COL13A1: variants seen among roughly 807,000 people sequenced by gnomAD.
COL13A1 encodes collagen alpha-1(XIII) chain.
COL13A1 carries 89 observed loss-of-function variants against 130.9 expected under a neutral mutation model. The ratio of observed to expected loss-of-function variants is 0.68; its 90% confidence interval spans 0.57 to 0.81. The LOEUF (loss-of-function observed/expected upper bound fraction) is 0.81. Ranked by LOEUF, COL13A1 falls within the 30% of genes least tolerant of loss-of-function variation. The pLI is 0.00. For synonymous variants in COL13A1, 402 were observed against 341.6 expected (o/e 1.18, Z -1.95); for missense variants, 879 against 934.6 (o/e 0.94, Z 0.78).
chr10:69,813,982 C>T (rs530495425), intron 1 of COL13A1, among the ~76,000 whole-genome samples: 8 of 152,216 alleles, frequency 5.3e-5, no homozygotes, highest in Middle Eastern at 3.2e-3. Context: ...AGAGGGCTGA[C>T]CTAAAAGTAA....
At chr10:69,946,684 A>G (rs1355524446) in intron 37 of COL13A1, among the ~76,000 whole-genome samples, 1 of 152,226 alleles carries the variant, frequency 6.6e-6, no homozygotes, top group Non-Finnish European at 1.5e-5. Context: ...CCACAAGCGC[A>G]TCCTCAGAAC....
intron 2 of COL13A1, among the ~76,000 whole-genome samples, chr10:69,827,066 G>A (rs1175860317): frequency 6.6e-6 from 1 of 152,214 alleles, no homozygotes; most frequent in Non-Finnish European, 1.5e-5. Context: ...TACGATGGTA[G>A]GTGGGAAAAC....
rs1202606558 is a variant in COL13A1, at chr10:69,863,581, A to T, written c.365-4217A>T. On this transcript the variant is annotated intron_variant, in intron 2 of 40. Coordinates refer to ENST00000645393, the MANE Select transcript of COL13A1 (RefSeq NM_001368882.1). Reference sequence around the variant, plus strand: ...CTCTTGATGCCCCCTGTCCAGGACCAGGACTGGATCCAGCGACTGGGTGGC... The same window carrying T: ...CTCTTGATGCCCCCTGTCCAGGACCTGGACTGGATCCAGCGACTGGGTGGC... 1.3e-5 allele frequency among the ~76,000 whole-genome samples: 2 copies of T among 152,138 alleles called. 1 individual carries two copies. The highest frequency in any genetic ancestry group is 2.9e-5 in the Non-Finnish European group (2 of 68,020).
At chr10:69,855,776 G>GT (rs1321031342) in intron 2 of COL13A1, among the ~76,000 whole-genome samples, 2 of 20,150 alleles carry the variant, frequency 9.9e-5, no homozygotes, top group African/African-American at 2.2e-4. Flanking sequence ...CCCAGTAGAA[G>GT]GGGGGAGGGA....
chr10:69,904,978 G>A lies in COL13A1; in HGVS notation c.885+19G>A, dbSNP rs1385295479. The A allele has an allele frequency of 6.4e-7, 1 of 1,561,682 alleles. No homozygotes were observed. Among genetic ancestry groups the A allele is most frequent in the South Asian group, 1.2e-5 (1 of 84,942 alleles). On this transcript the variant is annotated intron_variant, in intron 16 of 40. Transcript: ENST00000645393. ...ACCAAAGGTGAGTGTCCTTCTGGGT[G>A]ATGTGTTGAACAGGTGGGAGAATTC... is the stretch of plus-strand genomic sequence containing the variant.
Position 69,880,396 on chromosome 10 carries a change from C to T in COL13A1, c.463-107C>T, listed in dbSNP as rs1476487850. The stretch of plus-strand genomic sequence containing the variant: ...CCTGTCCCATGGGGCCGGCCTCCTG[C>T]TCCTGGCCCCCTGCCAGCTCCTTCC... On this transcript the variant is annotated intron_variant, in intron 6 of 40. Coordinates refer to ENST00000645393, the MANE Select transcript of COL13A1 (RefSeq NM_001368882.1). 109 of 741,544 alleles carry T rather than the reference C, an allele frequency of 1.5e-4. 1 individual carries two copies. Among genetic ancestry groups the T allele is most frequent in the Non-Finnish European group, 2.5e-5 (10 of 406,308 alleles). The allele number at this position is 741,544 out of a possible 1,614,324, so 45.9% of individuals were successfully genotyped here. A position where few individuals can be genotyped will look rare whatever the true frequency, so the allele number is the denominator to read the frequency against.
intron 2 of COL13A1, chr10:69,824,184 A>T (rs1846905778): frequency 2.1e-6 from 1 of 471,580 alleles, no homozygotes; most frequent in South Asian, 1.6e-5. Flanking sequence ...CAAGGTAGAG[A>T]TTCCTCGAGA....
chr10:69,957,625 T>C (rs915108952), intron 40 of COL13A1, among the ~76,000 whole-genome samples: 1 of 152,266 alleles, frequency 6.6e-6, no homozygotes, highest in African/African-American at 2.4e-5. Context: ...GCATTTGCCA[T>C]TGTTAGAGCA....
chr10:69,866,120 G>T (rs1044826594), intron 2 of COL13A1, among the ~76,000 whole-genome samples: 3 of 152,198 alleles, frequency 2.0e-5, no homozygotes, highest in African/African-American at 7.2e-5. Flanking sequence ...TCCTCCAGGG[G>T]TGCACCCAGC....
At chr10:69,811,808 C>T (rs1843109675) in intron 1 of COL13A1, among the ~76,000 whole-genome samples, 1 of 152,164 alleles carries the variant, frequency 6.6e-6, no homozygotes, top group Non-Finnish European at 1.5e-5. Context: ...CCCACAACTC[C>T]AGCATGTCTT....
chr10:69,929,569 G>A (rs1018838689), intron 28 of COL13A1, among the ~76,000 whole-genome samples: 1 of 152,172 alleles, frequency 6.6e-6, no homozygotes, highest in Non-Finnish European at 1.5e-5. Flanking sequence ...TCTCTGGGTA[G>A]GACCTACATC....
At chr10:69,948,820 AC>A (rs2068937277) in intron 38 of COL13A1, among the ~76,000 whole-genome samples, 2 of 149,504 alleles carry the variant, frequency 1.3e-5, no homozygotes, top group Admixed American at 1.3e-4. Context: ...CTTGTCACAG[AC>A]AGAGGGAGGG....
chr10:69,865,110 T>G (rs993589939), intron 2 of COL13A1, among the ~76,000 whole-genome samples: 7 of 141,852 alleles, frequency 4.9e-5, no homozygotes, highest in African/African-American at 1.8e-4. Flanking sequence ...GGATGGGGAG[T>G]CAGGAGACTG....
At chr10:69,864,599 A>G (rs1859266226) in intron 2 of COL13A1, among the ~76,000 whole-genome samples, 1 of 152,240 alleles carries the variant, frequency 6.6e-6, no homozygotes, top group Admixed American at 6.5e-5. Context: ...AGCCCAGCAC[A>G]GTGACTCACA....
At chr10:69,915,656 A>G (rs994383393) in intron 17 of COL13A1, among the ~76,000 whole-genome samples, 22 of 152,326 alleles carry the variant, frequency 1.4e-4, no homozygotes, top group Admixed American at 1.3e-3. Flanking sequence ...CAGGCTGAAA[A>G]CAGGGCAGAG....
In COL13A1 at chr10:69,822,771, C is replaced by A. The variant is rs150348383; in HGVS notation, c.364+333C>A. Among the ~76,000 whole-genome samples, 82 of 152,320 alleles carry A rather than the reference C, an allele frequency of 5.4e-4. 1 individual carries two copies. The highest frequency in any genetic ancestry group is 1.9e-3 in the African/African-American group (77 of 41,570). ...CAGCGTCAAAGGGACCATCAGCCCCCCAAGGGGAGGCACCTTGCTTGCTGT... is the reference window on the plus strand; with the variant it reads ...CAGCGTCAAAGGGACCATCAGCCCCACAAGGGGAGGCACCTTGCTTGCTGT... On this transcript the variant is annotated intron_variant, in intron 2 of 40. Transcript: ENST00000645393.
At chr10:69,892,020 ACACCGTCCCTCTGCCC>A (rs553471125) in intron 10 of COL13A1, among the ~76,000 whole-genome samples, 1 of 152,310 alleles carries the variant, frequency 6.6e-6, no homozygotes, top group South Asian at 2.1e-4. Flanking sequence ...TCATTCTGCC[ACACCGTCCCTCTGCCC>A]CACACACTTG....
chr10:69,943,614 C>T (rs1174174163), intron 35 of COL13A1, among the ~76,000 whole-genome samples: 2 of 152,170 alleles, frequency 1.3e-5, no homozygotes, highest in Admixed American at 6.5e-5. Context: ...GAGAAGGCCC[C>T]GGCCAGAGAC....
chr10:69,937,255 G>A (rs1052869586), intron 33 of COL13A1, among the ~76,000 whole-genome samples: 8 of 152,300 alleles, frequency 5.3e-5, no homozygotes, highest in South Asian at 2.1e-4. Context: ...AAGAGACTTC[G>A]GGGCAGTTTG....
Sources: gnomAD v4.1 joint callset for allele counts (sites outside exome capture counted in the v4.1 genomes callset) on GRCh38, gnomAD v4.1.1 for gene constraint, MANE v1.5 for transcripts, NCBI Gene and HGNC (gene_info 2026-07-23, HGNC 2026-07-21) for gene names.